The following PDE10A variants were observed in gnomAD, a reference collection of about 807,000 sequenced individuals.
PDE10A encodes phosphodiesterase 10A.
PDE10A carries 39 observed loss-of-function variants against 97.7 expected under a neutral mutation model. The ratio of observed to expected loss-of-function variants is 0.40; its 90% CI spans 0.31 to 0.52. The LOEUF (loss-of-function observed/expected upper bound fraction) is 0.52, where lower values mean the gene tolerates loss of function less well. PDE10A is among the 20% of genes least tolerant of loss of function. The pLI is 0.56. For missense variants in PDE10A, 731 were observed against 1,047.8 expected (o/e 0.70, Z 4.17); for synonymous variants, 371 against 376.8 (o/e 0.98, Z 0.18).
intron 1 of PDE10A, among the ~76,000 whole-genome samples, chr6:165,722,140 T>C (rs896538480): frequency 9.9e-5 from 15 of 152,242 alleles, no homozygotes; most frequent in African/African-American, 3.6e-4. Context: ...ACCTGATTAA[T>C]CTCATCTTAC....
intron 1 of PDE10A, among the ~76,000 whole-genome samples, chr6:165,590,910 T>C (rs748349669): frequency 3.3e-5 from 5 of 151,900 alleles, no homozygotes; most frequent in Admixed American, 6.6e-5. Flanking sequence ...AAAAAAAAAT[T>C]AGACATTTAA....
intron 18 of PDE10A, among the ~76,000 whole-genome samples, chr6:165,367,060 T>A (rs772468226): frequency 5.3e-5 from 8 of 151,852 alleles, no homozygotes; most frequent in Non-Finnish European, 1.0e-4. Flanking sequence ...ATAGTGAAAA[T>A]TCAGACAACA....
At chr6:165,411,465 G>A (rs921747015) in intron 13 of PDE10A, among the ~76,000 whole-genome samples, 14 of 152,186 alleles carry the variant, frequency 9.2e-5, no homozygotes, top group Admixed American at 6.5e-4. Flanking sequence ...GACACAGGGA[G>A]AAGGCGGCCA....
At chr6:165,350,319 T>G (rs1261852458) in intron 18 of PDE10A, among the ~76,000 whole-genome samples, 2 of 152,202 alleles carry the variant, frequency 1.3e-5, no homozygotes, top group African/African-American at 4.8e-5. Context: ...CTTTAAGGTT[T>G]AATGGCTGTC....
At chr6:165,973,623 G>T (rs1392282297) in intron 1 of PDE10A, among the ~76,000 whole-genome samples, 1 of 151,984 alleles carries the variant, frequency 6.6e-6, no homozygotes, top group Non-Finnish European at 1.5e-5. Context: ...GCAGTCTGAA[G>T]ATGGCTGTGA....
At chr6:165,846,121 C>T (rs1041821495) in intron 1 of PDE10A, among the ~76,000 whole-genome samples, 1 of 152,198 alleles carries the variant, frequency 6.6e-6, no homozygotes, top group Non-Finnish European at 1.5e-5. Flanking sequence ...GACCAGAAAA[C>T]GGACTCTTCG....
At chr6:165,677,693 A>G (rs548344169) in intron 1 of PDE10A, among the ~76,000 whole-genome samples, 2 of 152,342 alleles carry the variant, frequency 1.3e-5, no homozygotes, top group South Asian at 4.1e-4. Flanking sequence ...TCTGGTATCC[A>G]TGAGAGGTCC....
At chr6:165,970,634 G>A (rs1784641144) in intron 1 of PDE10A, among the ~76,000 whole-genome samples, 2 of 152,088 alleles carry the variant, frequency 1.3e-5, no homozygotes, top group Non-Finnish European at 2.9e-5. Flanking sequence ...AATAAACTTA[G>A]AGGAAAGAAG....
At chr6:165,737,853 A>G (rs1016937158) in intron 1 of PDE10A, among the ~76,000 whole-genome samples, 1 of 152,216 alleles carries the variant, frequency 6.6e-6, no homozygotes, top group Non-Finnish European at 1.5e-5. Flanking sequence ...GAACAGGAAG[A>G]AGTAAAATTG....
intron 3 of PDE10A, among the ~76,000 whole-genome samples, chr6:165,458,936 A>C (rs1253983664): frequency 6.6e-6 from 1 of 152,176 alleles, no homozygotes; most frequent in Non-Finnish European, 1.5e-5. Context: ...CACCCGTCTA[A>C]GTTCAAATCC....
chr6:165,795,013 G>T (rs1336143690), intron 1 of PDE10A, among the ~76,000 whole-genome samples: 1 of 152,146 alleles, frequency 6.6e-6, no homozygotes, highest in Non-Finnish European at 1.5e-5. Context: ...TGTGACATGG[G>T]CTTATTTCAG....
At chr6:165,673,163 A>G (rs4709085) in intron 1 of PDE10A, among the ~76,000 whole-genome samples, 71,662 of 152,092 alleles carry the variant, frequency 0.47, 17,497 homozygotes, top group East Asian at 0.75. Context: ...AAATCAGTGA[A>G]AATTTCAACT....
chr6:165,717,310 G>A (rs902857326), intron 1 of PDE10A, among the ~76,000 whole-genome samples: 2 of 152,156 alleles, frequency 1.3e-5, no homozygotes, highest in Non-Finnish European at 2.9e-5. Context: ...ATGTGTACAG[G>A]CCAGGCACAG....
In PDE10A at chr6:165,730,089, G is replaced by GA. The variant is rs113767117; in HGVS notation, c.-614-186522dup. 2.3e-3 allele frequency among the ~76,000 whole-genome samples: 334 copies of GA among 148,074 alleles called. 4 individuals are homozygous for GA. The highest frequency in any genetic ancestry group is 7.8e-3 in the African/African-American group (314 of 40,180). On this transcript the variant is annotated intron_variant, in intron 1 of 19. Coordinates refer to the PDE10A transcript ENST00000366882. Reference sequence around the variant, plus strand: ...TGTATCTATCTTGTATATCTATCTTGAAAAAGATATACAAGTGACATATTT... The same window carrying GA: ...TGTATCTATCTTGTATATCTATCTTGAAAAAAGATATACAAGTGACATATTT...
At chr6:165,574,646 A>G (rs1785213709) in intron 1 of PDE10A, among the ~76,000 whole-genome samples, 1 of 152,190 alleles carries the variant, frequency 6.6e-6, no homozygotes. Context: ...TACATTCTGA[A>G]TAACAAAAAT....
At position 165,691,113 on chromosome 6, in the gene PDE10A, C is replaced by CT. The variant is rs1159210409; in HGVS notation, c.-614-147546_-614-147545insA. 7.3e-5 allele frequency among the ~76,000 whole-genome samples: 8 copies of CT among 109,322 alleles called. 1 individual carries two copies. In the East Asian group the frequency reaches 2.3e-3, roughly 31 times the overall value. 71.7% of individuals were successfully genotyped at this position (109,322 alleles called of 152,430 possible). ...TCTCTCTCTCTTTCTCTCTCCCCCC[C>CT]CCCATCAGTGCCTGTGGTCACATAA... On this transcript the variant is annotated intron_variant, in intron 1 of 19. Coordinates refer to the PDE10A transcript ENST00000366882.
intron 1 of PDE10A, among the ~76,000 whole-genome samples, chr6:165,943,161 GA>G (rs1562809378): frequency 0.046 from 4,485 of 96,884 alleles, 577 homozygotes; most frequent in South Asian, 0.072. Context: ...GAGAGAGAGA[GA>G]AGAAAGAAAG....
At chr6:165,505,201 G>GT (rs1214163044) in intron 2 of PDE10A, among the ~76,000 whole-genome samples, 1 of 152,030 alleles carries the variant, frequency 6.6e-6, no homozygotes, top group Non-Finnish European at 1.5e-5. Flanking sequence ...CCAAATACAA[G>GT]TGTTTTATTA....
At chr6:165,640,072 G>GA (rs58783268) in intron 1 of PDE10A, among the ~76,000 whole-genome samples, 3,280 of 138,572 alleles carry the variant, frequency 0.024, 110 homozygotes, top group East Asian at 0.09. Flanking sequence ...TCTGTCACCA[G>GA]AAAAAAAAAA....
Sources: gnomAD v4.1 joint callset for allele counts (sites outside exome capture counted in the v4.1 genomes callset) on GRCh38, gnomAD v4.1.1 for gene constraint, MANE v1.5 for transcripts, NCBI Gene and HGNC (gene_info 2026-07-23, HGNC 2026-07-21) for gene names.